Variants in ZNF346 observed in about 807,000 individuals in gnomAD.
ZNF346 encodes double-stranded RNA-binding zinc finger protein JAZ.
In ZNF346, 23 loss-of-function variants were observed where a neutral mutation model predicts 33.7. The ratio of observed to expected loss-of-function variants is 0.68; its 90% CI spans 0.49 to 0.97. The LOEUF is 0.97. Ranked by LOEUF, ZNF346 falls within the 50% of genes least tolerant of loss-of-function variation. ZNF346 has a pLI of 0.00. For synonymous variants in ZNF346, 134 were observed against 142.4 expected, an observed-to-expected ratio of 0.94 and a Z score of 0.42; for missense variants, 340 against 371.1, an observed-to-expected ratio of 0.92 and a Z score of 0.69.
Position 177,022,730 on chromosome 5 carries a change from GC to G in ZNF346, c.-8del. On this transcript the variant is annotated 5_prime_UTR_variant, in exon 1 of 7. Coordinates refer to ENST00000358149, the MANE Select transcript of ZNF346 (RefSeq NM_012279.4). ...AGAGGCTCTCTACCGGTGAGGGTTTGCGGGGAAGATGGAGTATCCCGCGCCG... is the reference window on the plus strand; with the variant it reads ...AGAGGCTCTCTACCGGTGAGGGTTTGGGGGAAGATGGAGTATCCCGCGCCG... The G allele has an allele frequency of 6.5e-7, 1 of 1,547,580 alleles. No homozygotes were observed. The highest frequency in any genetic ancestry group is 8.7e-7 in the Non-Finnish European group (1 of 1,151,632).
In ZNF346 at chr5:177,067,646, T is replaced by C. The variant is rs1324869195; in HGVS notation, c.*3047T>C. 6.6e-6 allele frequency among the ~76,000 whole-genome samples: 1 copy of C among 152,314 alleles called. No individual in the cohort carries two copies. The highest frequency in any genetic ancestry group is 1.9e-4 in the East Asian group (1 of 5,190). On this transcript the variant is annotated 3_prime_UTR_variant, in exon 7 of 7. Coordinates refer to ENST00000358149, the MANE Select transcript of ZNF346 (RefSeq NM_012279.4). Reference sequence around the variant, plus strand: ...GGTAAAGGGACCTAGAGATGAACACTTTCTTGCCCTTAGGGGTTCACACAC... The same window carrying C: ...GGTAAAGGGACCTAGAGATGAACACCTTCTTGCCCTTAGGGGTTCACACAC...
At chr5:177,050,639 A>C in intron 4 of ZNF346, 112 bp from the exon 5 acceptor site, 1 of 1,168,908 alleles carries the variant, frequency 8.6e-7, no homozygotes, top group South Asian at 1.3e-5. Context: ...TCTATTCAGC[A>C]TACTCAAAAG....
intron 5 of ZNF346, among the ~76,000 whole-genome samples, chr5:177,056,033 G>C (rs1292481154): frequency 7.0e-6 from 1 of 142,952 alleles, no homozygotes; most frequent in Non-Finnish European, 1.5e-5. Flanking sequence ...CCAAGATCGT[G>C]TCACTGCACT....
downstream of ZNF346, among the ~76,000 whole-genome samples, chr5:177,069,408 G>T (rs548626271): frequency 6.7e-6 from 1 of 150,136 alleles, no homozygotes; most frequent in Non-Finnish European, 1.5e-5. Context: ...AGCTGAGATC[G>T]CGCCACTGCA....
At chr5:177,026,479 C>T (rs1438121189) in intron 1 of ZNF346, among the ~76,000 whole-genome samples, 1 of 151,434 alleles carries the variant, frequency 6.6e-6, no homozygotes, top group African/African-American at 2.4e-5. Context: ...CCCGCCTCAG[C>T]CTCCTGAGTA....
intron 5 of ZNF346, among the ~76,000 whole-genome samples, chr5:177,056,479 G>A (rs750104004): frequency 2.0e-5 from 3 of 152,094 alleles, no homozygotes; most frequent in Non-Finnish European, 2.9e-5. Flanking sequence ...TGTTTATTGC[G>A]GCACTATTCA....
In ZNF346 at chr5:177,041,040, G is replaced by A. The variant is rs1348092051; in HGVS notation, c.176-86G>A. 7 of 1,009,708 alleles carry A rather than the reference G, an allele frequency of 6.9e-6. No homozygotes were observed. In the Admixed American group the frequency reaches 8.9e-5, roughly 13 times the overall value. 62.5% of individuals were successfully genotyped at this position (1,009,708 alleles called of 1,614,324 possible). A position where few individuals can be genotyped will look rare whatever the true frequency, so the allele number is the denominator to read the frequency against. On this transcript the variant is annotated intron_variant, in intron 1 of 6. Coordinates refer to ENST00000358149, the MANE Select transcript of ZNF346 (RefSeq NM_012279.4). ...TCCTAGTATGGCATCCCATCATTCA[G>A]TGCCTGTGTTTGAGGCAGGGTTCAA... is the stretch of plus-strand genomic sequence containing the variant.
intron 3 of ZNF346, among the ~76,000 whole-genome samples, chr5:177,042,697 A>C (rs1779501739): frequency 2.6e-5 from 4 of 151,958 alleles, no homozygotes; most frequent in Non-Finnish European, 5.9e-5. Context: ...CTTATTATTT[A>C]TTTATTTATC....
chr5:177,052,757 A>G (rs1781133556), intron 5 of ZNF346: 1 of 152,244 alleles, frequency 6.6e-6, no homozygotes, highest in African/African-American at 2.4e-5. Context: ...CTACACGTAC[A>G]CATGGTCCCC....
chr5:177,064,841 G>C lies in ZNF346; in HGVS notation c.*242G>C, dbSNP rs1296142674. 1 of 504,348 alleles carries C rather than the reference G, an allele frequency of 2.0e-6. No individual in the cohort carries two copies. Among genetic ancestry groups the C allele is most frequent in the African/African-American group, 1.9e-5 (1 of 52,030 alleles). The allele number at this position is 504,348 out of a possible 1,614,324, so 31.2% of individuals were successfully genotyped here. ...GGTATTGAGAGACTCGGGGTCTCGC[G>C]GGGTGGTAGTTTGGAGGGTGGCTTT... On this transcript the variant is annotated 3_prime_UTR_variant, in exon 7 of 7. Coordinates refer to ENST00000358149, the MANE Select transcript of ZNF346 (RefSeq NM_012279.4).
At position 177,030,827 on chromosome 5, in the gene ZNF346, G is replaced by A. The variant is rs957254507; in HGVS notation, c.175+7914G>A. Reference sequence around the variant, plus strand: ...TTATCTCCTCTCTTTATGGATTGATGCCTATTCTGGACATTTCATGTAAAT... The same window carrying A: ...TTATCTCCTCTCTTTATGGATTGATACCTATTCTGGACATTTCATGTAAAT... On this transcript the variant is annotated intron_variant, in intron 1 of 6. Transcript: ENST00000358149. 3.3e-5 allele frequency among the ~76,000 whole-genome samples: 5 copies of A among 151,470 alleles called. No individual in the cohort carries two copies. The South Asian group carries it at 6.3e-4, about 19-fold the overall frequency.
Position 177,046,056 on chromosome 5 carries a change from T to C in ZNF346, c.517+1523T>C, listed in dbSNP as rs113879389. ...TCATGCCTGTTGTAATCCCAGCACTTTGGGAGGCTGAGGTGGGCAGATCAC... is the reference window on the plus strand; with the variant it reads ...TCATGCCTGTTGTAATCCCAGCACTCTGGGAGGCTGAGGTGGGCAGATCAC... On this transcript the variant is annotated intron_variant, in intron 4 of 6. Coordinates refer to ENST00000358149, the MANE Select transcript of ZNF346 (RefSeq NM_012279.4). 7.1e-3 allele frequency among the ~76,000 whole-genome samples: 1,086 copies of C among 151,996 alleles called. 12 individuals carry two copies. Among genetic ancestry groups the C allele is most frequent in the African/African-American group, 0.024 (1,000 of 41,442 alleles).
At chr5:177,038,458 C>T (rs994888869) in intron 1 of ZNF346, among the ~76,000 whole-genome samples, 1 of 150,682 alleles carries the variant, frequency 6.6e-6, no homozygotes, top group Non-Finnish European at 1.5e-5. Flanking sequence ...TTCTCTACCC[C>T]GTACTCTGCT....
intron 5 of ZNF346, among the ~76,000 whole-genome samples, chr5:177,058,129 T>C (rs1781994411): frequency 6.6e-6 from 1 of 151,242 alleles, no homozygotes; most frequent in African/African-American, 2.4e-5. Context: ...CCTGAGGTCA[T>C]AGATTTTCAA....
At chr5:177,042,088 C>A (rs1041778438) in intron 3 of ZNF346, 1 of 438,032 alleles carries the variant, frequency 2.3e-6, no homozygotes, top group Non-Finnish European at 4.1e-6. Flanking sequence ...AAATTGAGGG[C>A]AGATTTATAA....
chr5:177,025,579 C>G (rs1011563306), intron 1 of ZNF346, among the ~76,000 whole-genome samples: 4 of 152,098 alleles, frequency 2.6e-5, no homozygotes, highest in African/African-American at 9.7e-5. Flanking sequence ...TGATTATAGG[C>G]ATTCTAGTGG....
chr5:177,036,660 G>A (rs940133289), intron 1 of ZNF346, among the ~76,000 whole-genome samples: 1 of 152,096 alleles, frequency 6.6e-6, no homozygotes, highest in Admixed American at 6.5e-5. Context: ...GCACACCTCC[G>A]GCCAGTGAAG....
chr5:177,036,347 T>C (rs1285469603), intron 1 of ZNF346, among the ~76,000 whole-genome samples: 1 of 152,218 alleles, frequency 6.6e-6, no homozygotes, highest in Non-Finnish European at 1.5e-5. Flanking sequence ...CCTTTTATAA[T>C]TTCTACTTTA....
At chr5:177,030,906 A>ATTTTTTTTTTTTT in intron 1 of ZNF346, among the ~76,000 whole-genome samples, 2 of 103,514 alleles carry the variant, frequency 1.9e-5, no homozygotes, top group Admixed American at 9.6e-5. Flanking sequence ...GCTTAGTGTA[A>ATTTTTTTTTTTTT]TTTTTTTTTT....
Sources: allele counts gnomAD v4.1 joint callset (sites outside exome capture counted in the v4.1 genomes callset), GRCh38; gene constraint gnomAD v4.1.1; transcripts MANE v1.5; gene names NCBI Gene and HGNC (gene_info 2026-07-23, HGNC 2026-07-21).